The following ANKRD44 variants were observed in gnomAD, a reference collection of about 807,000 sequenced individuals.
ANKRD44 encodes ankyrin repeat domain 44.
A neutral mutation model predicts 116.0 loss-of-function variants in ANKRD44; 35 were observed. That is an observed-to-expected ratio of 0.30 (90% confidence interval 0.23 to 0.40). ANKRD44 has a LOEUF of 0.40. Ranked by LOEUF, ANKRD44 falls within the 10% of genes least tolerant of loss-of-function variation. ANKRD44 has a pLI of 1.00. For synonymous variants in ANKRD44, 435 were observed against 461.8 expected, an observed-to-expected ratio of 0.94 and a Z score of 0.74; for missense variants, 1,014 against 1,242.6, an observed-to-expected ratio of 0.82 and a Z score of 2.77.
At chr2:197,302,101 T>C (rs10931779) in intron 1 of ANKRD44, 73,539 of 152,982 alleles carry the variant, frequency 0.48, 18,928 homozygotes, top group African/African-American at 0.68. Context: ...GCGCAGCTGG[T>C]GTGTTCACTA....
At chr2:197,244,328 G>A (rs1280527220) in intron 1 of ANKRD44, among the ~76,000 whole-genome samples, 2 of 152,170 alleles carry the variant, frequency 1.3e-5, no homozygotes, top group Non-Finnish European at 2.9e-5. Context: ...AGAATACAAT[G>A]GCAATAGAAG....
intron 16 of ANKRD44, among the ~76,000 whole-genome samples, chr2:197,074,876 T>C (rs1038468945): frequency 3.3e-5 from 5 of 152,116 alleles, no homozygotes; most frequent in African/African-American, 4.8e-5. Context: ...ACCTAAAACA[T>C]TGAGTCGTTT....
chr2:197,186,616 T>C (rs1021272286), intron 2 of ANKRD44, among the ~76,000 whole-genome samples: 5 of 11,042 alleles, frequency 4.5e-4, no homozygotes, highest in East Asian at 9.2e-3. Context: ...ATTTTTCTTT[T>C]TTTTTTTTTT....
At chr2:197,269,309 T>C (rs898968294) in intron 1 of ANKRD44, among the ~76,000 whole-genome samples, 4 of 152,172 alleles carry the variant, frequency 2.6e-5, no homozygotes, top group African/African-American at 9.7e-5. Context: ...GTAAGGCTCC[T>C]CTCTCCTAAT....
chr2:197,258,070 TC>T (rs1484544115), intron 1 of ANKRD44, among the ~76,000 whole-genome samples: 1 of 151,992 alleles, frequency 6.6e-6, no homozygotes. Context: ...AGAATTCCCT[TC>T]CTTTTTATTT....
At chr2:197,208,197 ATAGGTGCCC>A (rs2081250913) in intron 1 of ANKRD44, among the ~76,000 whole-genome samples, 1 of 152,184 alleles carries the variant, frequency 6.6e-6, no homozygotes, top group Non-Finnish European at 1.5e-5. Flanking sequence ...CAACCTGCCT[ATAGGTGCCC>A]TAGTGGAGAA....
intron 1 of ANKRD44, among the ~76,000 whole-genome samples, chr2:197,291,116 A>G (rs2083557870): frequency 6.6e-6 from 1 of 152,120 alleles, no homozygotes; most frequent in African/African-American, 2.4e-5. Context: ...GGCTGATGTG[A>G]CAGGATCACT....
intron 9 of ANKRD44, among the ~76,000 whole-genome samples, chr2:197,102,474 T>G (rs2078317128): frequency 6.6e-6 from 1 of 152,226 alleles, no homozygotes; most frequent in African/African-American, 2.4e-5. Context: ...CTTGTCAAGC[T>G]TTTGAATATC....
At chr2:197,282,158 C>T (rs1559216421) in intron 1 of ANKRD44, among the ~76,000 whole-genome samples, 1 of 152,072 alleles carries the variant, frequency 6.6e-6, no homozygotes, top group African/African-American at 2.4e-5. Flanking sequence ...GAGGCTGAGG[C>T]AAGAGAATGG....
At chr2:197,056,293 A>T (rs1263375252) in intron 16 of ANKRD44, among the ~76,000 whole-genome samples, 1 of 152,102 alleles carries the variant, frequency 6.6e-6, no homozygotes, top group Non-Finnish European at 1.5e-5. Flanking sequence ...CAAAAAAAAA[A>T]CCCTGCTGGG....
intron 1 of ANKRD44, among the ~76,000 whole-genome samples, chr2:197,290,554 T>A (rs1042883345): frequency 6.6e-6 from 1 of 152,186 alleles, no homozygotes; most frequent in African/African-American, 2.4e-5. Flanking sequence ...CAATAAGCCA[T>A]GTTCTTCACA....
chr2:197,204,896 CT>C (rs1209886952), intron 1 of ANKRD44, among the ~76,000 whole-genome samples: 6 of 152,218 alleles, frequency 3.9e-5, no homozygotes, highest in African/African-American at 1.4e-4. Context: ...AGAACCCGAT[CT>C]AAAGGCTGGG....
chr2:197,151,385 T>C lies in ANKRD44; in HGVS notation c.112-4280A>G, dbSNP rs143491694. ...ATGAGATGGAGAACAGGGATGACAT[T>C]TAAAATAACTTAAGACACAAAGGAC... On this transcript the variant is annotated intron_variant, in intron 2 of 27. Transcript: ENST00000282272. Among the ~76,000 whole-genome samples, 325 of 152,276 alleles carry C rather than the reference T, an allele frequency of 2.1e-3. 2 individuals are homozygous for C. Among genetic ancestry groups the C allele is most frequent in the African/African-American group, 7.5e-3 (313 of 41,548 alleles).
At chr2:197,076,693 C>T (rs10931771) in intron 16 of ANKRD44, among the ~76,000 whole-genome samples, 25,779 of 152,052 alleles carry the variant, frequency 0.17, 2,261 homozygotes, top group African/African-American at 0.19. Context: ...GTCTGTAGTT[C>T]CCCTCTTTGT....
chr2:197,225,323 T>C (rs973809407), intron 1 of ANKRD44, among the ~76,000 whole-genome samples: 3 of 152,318 alleles, frequency 2.0e-5, no homozygotes. Context: ...CTTATGTTTC[T>C]ACATTGCATG....
intron 9 of ANKRD44, among the ~76,000 whole-genome samples, chr2:197,107,315 A>G (rs1463141824): frequency 6.6e-6 from 1 of 152,170 alleles, no homozygotes; most frequent in East Asian, 1.9e-4. Flanking sequence ...AGAAAACATC[A>G]TTTTTGAACT....
intron 3 of ANKRD44, among the ~76,000 whole-genome samples, chr2:197,140,983 G>A (rs548883099): frequency 1.3e-5 from 2 of 152,246 alleles, no homozygotes; most frequent in South Asian, 2.1e-4. Flanking sequence ...TTGGGAGGTC[G>A]AGGTGGGCAG....
chr2:197,237,109 C>T (rs1239737533), intron 1 of ANKRD44, among the ~76,000 whole-genome samples: 4 of 152,146 alleles, frequency 2.6e-5, no homozygotes, highest in Non-Finnish European at 4.4e-5. Context: ...AAGTCCTTTG[C>T]CGTCAACTGT....
chr2:197,253,013 C>CT, intron 1 of ANKRD44, among the ~76,000 whole-genome samples: 1 of 152,190 alleles, frequency 6.6e-6, no homozygotes, highest in Non-Finnish European at 1.5e-5. Flanking sequence ...ACTCATAAGT[C>CT]TAATTTATCC....
Sources: gnomAD v4.1 joint callset for allele counts (sites outside exome capture counted in the v4.1 genomes callset) on GRCh38, gnomAD v4.1.1 for gene constraint, MANE v1.5 for transcripts, NCBI Gene and HGNC (gene_info 2026-07-23, HGNC 2026-07-21) for gene names.